Variants in NRK observed in about 807,000 individuals in gnomAD.
NRK encodes the protein nik-related protein kinase.
NRK carries 67 observed loss-of-function variants against 125.2 expected under a neutral mutation model. The observed-to-expected ratio is 0.54, with a 90% CI of 0.44 to 0.66. The LOEUF is 0.66. NRK is among the 30% of genes least tolerant of loss of function. NRK has a pLI of 0.00. For missense variants in NRK, 1,224 were observed against 1,192.9 expected (o/e 1.03, Z -0.38); for synonymous variants, 458 against 429.0 (o/e 1.07, Z -0.84).
intron 2 of NRK, among the ~76,000 whole-genome samples, chrX:105,867,236 A>G (rs1220537173): frequency 9.0e-6 from 1 of 111,581 alleles, no homozygotes; most frequent in Non-Finnish European, 1.9e-5. Flanking sequence ...AAAAAGACAA[A>G]GTAAATCTCA....
At chrX:105,895,555 A>G (rs1287011425) in intron 7 of NRK, 32 bp downstream of exon 7, 1 of 913,454 alleles carries the variant, frequency 1.1e-6, no homozygotes, top group African/African-American at 1.9e-5. Flanking sequence ...TTTAAGTCCA[A>G]AACATCTTAA....
intron 16 of NRK, among the ~76,000 whole-genome samples, chrX:105,918,140 T>G (rs1368612162): frequency 8.9e-6 from 1 of 111,797 alleles, no homozygotes; most frequent in Non-Finnish European, 1.9e-5. Flanking sequence ...TACAGAGTGA[T>G]GGTTTTACTC....
intron 2 of NRK, among the ~76,000 whole-genome samples, chrX:105,857,602 C>T (rs1210989693): frequency 9.0e-6 from 1 of 111,071 alleles, no homozygotes; most frequent in East Asian, 2.8e-4. Flanking sequence ...AAAAAATCCC[C>T]CCCTTTTTTT....
chrX:105,952,936 T>G, intron 27 of NRK, 98 bp from the exon 28 acceptor site: 1 of 712,408 alleles, frequency 1.4e-6, no homozygotes, highest in African/African-American at 2.2e-5. Flanking sequence ...ACTGTAACAA[T>G]GAGCCTCTTA....
chrX:105,933,226 G>A (rs1211884582), intron 19 of NRK, among the ~76,000 whole-genome samples: 4 of 108,013 alleles, frequency 3.7e-5, no homozygotes, highest in African/African-American at 1.4e-4. Context: ...CTTAATTAAA[G>A]ACATTAAAAC....
At chrX:105,901,155 T>C (rs764272852) in intron 9 of NRK, among the ~76,000 whole-genome samples, 1 of 110,857 alleles carries the variant, frequency 9.0e-6, no homozygotes, top group Admixed American at 9.6e-5. Context: ...AGCCTGTTTT[T>C]TTTTTCCTCT....
chrX:105,865,027 G>C (rs1441838523), intron 2 of NRK, among the ~76,000 whole-genome samples: 2 of 111,414 alleles, frequency 1.8e-5, no homozygotes, highest in Non-Finnish European at 3.8e-5. Flanking sequence ...TCAGGCTCCT[G>C]TTGGGGATTG....
chrX:105,954,095 T>C (rs2040940388), intron 28 of NRK, among the ~76,000 whole-genome samples: 1 of 111,231 alleles, frequency 9.0e-6, no homozygotes, highest in Admixed American at 9.6e-5. Context: ...ATCTCCAAAA[T>C]AGAAATATTA....
At chrX:105,855,821 A>G (rs1412993997) in intron 2 of NRK, among the ~76,000 whole-genome samples, 3 of 111,936 alleles carry the variant, frequency 2.7e-5, no homozygotes, top group Non-Finnish European at 5.7e-5. Context: ...TAAGTGTACA[A>G]CAAATTTTCT....
chrX:105,912,691 C>A lies in NRK; in HGVS notation c.2285C>A (p.Ser762Ter). The A allele has an allele frequency of 8.8e-7, 1 of 1,133,570 alleles. No individual in the cohort carries two copies. The highest frequency in any genetic ancestry group is 2.7e-5 in the Admixed American group (1 of 37,507). The allele number at this position is 1,133,570 out of a possible 1,213,427, so 93.4% of individuals were successfully genotyped here. A position where few individuals can be genotyped will look rare whatever the true frequency, so the allele number is the denominator to read the frequency against. The change falls in exon 14 of 29, where the codon TCG becomes TAG. Residue 762 changes from serine to a stop codon, truncating the protein, a stop_gained. Transcript: ENST00000243300. LOFTEE classifies it high-confidence loss of function. ...ESSDNDEVFH[S>*]IQAEVQIEPL... is the part of the protein sequence containing the mutation. ...TCAGACAATGATGAAGTATTTCATTCGATTCAGGCTGAAGTCCAGATAGAG... is the reference window on the plus strand; with the variant it reads ...TCAGACAATGATGAAGTATTTCATTAGATTCAGGCTGAAGTCCAGATAGAG...
intron 2 of NRK, among the ~76,000 whole-genome samples, chrX:105,874,285 C>T (rs2039786124): frequency 8.9e-6 from 1 of 112,090 alleles, no homozygotes; most frequent in Non-Finnish European, 1.9e-5. Flanking sequence ...AGAGGACAGA[C>T]TTATAAAACA....
Position 105,908,973 on chromosome X carries a change from G to C in NRK, c.1332G>C (p.Arg444=). The change falls in exon 13 of 29, where the codon CGG becomes CGC. Residue 444 remains arginine (R), a synonymous_variant. Transcript: ENST00000243300. ...CTCAACGACTACAAGGGGCAGCTCG[G>C]GTGTTCATGCCACTACAGGCTCAGG... ...QAPQRLQGAA[R]VFMPLQAQVK... 1 of 1,208,876 alleles carries C rather than the reference G, an allele frequency of 8.3e-7. No individual in the cohort carries two copies. Among genetic ancestry groups the C allele is most frequent in the Admixed American group, 2.2e-5 (1 of 45,989 alleles).
chrX:105,862,440 G>T (rs1031518700), intron 2 of NRK, among the ~76,000 whole-genome samples: 8 of 110,515 alleles, frequency 7.2e-5, no homozygotes, highest in Non-Finnish European at 9.5e-5. Context: ...AGCCAGCCAG[G>T]AAGTTATCCT....
chrX:105,935,058 A>T (rs762028032), intron 20 of NRK, 112 bp from the exon 21 acceptor site: 161 of 558,072 alleles, frequency 2.9e-4, no homozygotes, highest in Admixed American at 1.3e-3. Context: ...TTTAAAAAAA[A>T]TTTTTCTATA....
chrX:105,927,525 G>A (rs2040539970), intron 19 of NRK, among the ~76,000 whole-genome samples: 1 of 111,325 alleles, frequency 9.0e-6, no homozygotes, highest in African/African-American at 3.3e-5. Flanking sequence ...TTGAATAAGA[G>A]TGGTGAAAGT....
chrX:105,885,218 A>G (rs1415127869), intron 4 of NRK, among the ~76,000 whole-genome samples: 4 of 112,570 alleles, frequency 3.6e-5, no homozygotes, highest in Non-Finnish European at 5.6e-5. Context: ...ACAATCAAAT[A>G]AAATTTAGAG....
intron 8 of NRK, among the ~76,000 whole-genome samples, chrX:105,900,393 T>G (rs2040143027): frequency 8.9e-6 from 1 of 111,848 alleles, no homozygotes; most frequent in Non-Finnish European, 1.9e-5. Flanking sequence ...TCCTTGAGCT[T>G]AACTCCATTC....
intron 27 of NRK, 96 bp from the exon 28 acceptor site, chrX:105,952,938 A>G (rs1343140945): frequency 2.8e-6 from 2 of 707,693 alleles, no homozygotes; most frequent in African/African-American, 4.4e-5. Context: ...TGTAACAATG[A>G]GCCTCTTAAT....
chrX:105,852,994 T>C (rs1215558927), intron 2 of NRK, among the ~76,000 whole-genome samples: 2 of 111,682 alleles, frequency 1.8e-5, no homozygotes, highest in Admixed American at 9.5e-5. Context: ...ATTAGTTAGG[T>C]TTTTTCCACC....
Sources: allele counts gnomAD v4.1 joint callset (sites outside exome capture counted in the v4.1 genomes callset), GRCh38; gene constraint gnomAD v4.1.1; transcripts MANE v1.5; gene names NCBI Gene and HGNC (gene_info 2026-07-23, HGNC 2026-07-21).